TRIM66: variants seen among roughly 807,000 people sequenced by gnomAD.
TRIM66 encodes tripartite motif containing 66, also known as tripartite motif-containing protein 66.
A neutral mutation model predicts 148.2 loss-of-function variants in TRIM66; 99 were observed. That is an observed-to-expected ratio of 0.67 (90% CI 0.57 to 0.79). The LOEUF (loss-of-function observed/expected upper bound fraction) is 0.79, where lower values mean the gene tolerates loss of function less well. Among genes scored for constraint, TRIM66 ranks in the 30% least tolerant of loss-of-function variants. The pLI, the probability that TRIM66 is intolerant of heterozygous loss-of-function variation, is 0.00. For synonymous variants in TRIM66, 616 were observed against 635.9 expected (o/e 0.97, Z 0.47); for missense variants, 1,666 against 1,697.9 (o/e 0.98, Z 0.33).
chr11:8,645,116 C>G (rs537534194), intron 12 of TRIM66, among the ~76,000 whole-genome samples: 13 of 152,290 alleles, frequency 8.5e-5, no homozygotes, highest in Non-Finnish European at 1.3e-4. Context: ...CAAGGTGATA[C>G]CACTGATTTC....
chr11:8,641,173 GT>G, intron 13 of TRIM66, 21 bp from the exon 14 acceptor site: 1 of 1,530,946 alleles, frequency 6.5e-7, no homozygotes, highest in Non-Finnish European at 8.8e-7. Flanking sequence ...AGAATAGAGA[GT>G]TTTTCAAAAG....
chr11:8,678,443 G>C (rs1378193102), intron 3 of TRIM66, among the ~76,000 whole-genome samples: 1 of 152,186 alleles, frequency 6.6e-6, no homozygotes, highest in Non-Finnish European at 1.5e-5. Context: ...TTTGCAGACA[G>C]CTATGTCTCC....
Position 8,619,431 on chromosome 11 carries a change from C to A in TRIM66, c.3852G>T (p.Val1284=). The A allele has an allele frequency of 1.9e-6, 3 of 1,547,318 alleles. No homozygotes were observed. In the South Asian group the frequency reaches 3.6e-5, roughly 19 times the overall value. ...AGAACATGAGGCGCACATCTGATAC[C>A]ACCTCCTCTGGGGTGGTATAGTGAG... The part of the protein sequence containing the change: ...DPAHYTTPEE[V]VSDVRLMFWN... Residue 1284 remains valine, a synonymous_variant, in exon 23 of 25, where the codon GTG becomes GTT. Transcript: ENST00000646038.
chr11:8,619,159 G>T, intron 23 of TRIM66, 191 bp from the exon 24 acceptor site: 1 of 708,158 alleles, frequency 1.4e-6, no homozygotes, highest in South Asian at 1.9e-5. Context: ...ACCCCAACAG[G>T]TATCCACAGA....
At position 8,645,769 on chromosome 11, in the gene TRIM66, C is replaced by G; in HGVS notation, c.1076G>C (p.Ser359Thr). Residue 359 changes from serine (S) to threonine (T), a missense_variant, in exon 12 of 25, where the codon AGT (serine) becomes ACT (threonine). Transcript: ENST00000646038. Reference protein sequence around the residue: ...FINWAVCSKTSVPFLFSKELI... With the variant: ...FINWAVCSKTTVPFLFSKELI... ...CTCTTTGCTGAAAAGAAAAGGGACA[C>G]TGGTTTTGCTGCAGACAGCCCAGTT... is the stretch of plus-strand genomic sequence containing the variant. 11 of 1,551,754 alleles carry G rather than the reference C, an allele frequency of 7.1e-6. No homozygotes were observed. Among genetic ancestry groups the G allele is most frequent in the Non-Finnish European group, 9.6e-6 (11 of 1,146,976 alleles).
intron 4 of TRIM66, among the ~76,000 whole-genome samples, chr11:8,673,175 G>A (rs796500056): frequency 9.3e-5 from 14 of 151,312 alleles, no homozygotes; most frequent in African/African-American, 2.2e-4. Context: ...TGATCCACCC[G>A]CCTCGGCCTC....
chr11:8,678,871 T>A (rs2039299255), intron 3 of TRIM66, among the ~76,000 whole-genome samples: 1 of 152,134 alleles, frequency 6.6e-6, no homozygotes. Context: ...GATGATGTGT[T>A]CCCAAGGCCA....
At position 8,668,207 on chromosome 11, in the gene TRIM66, T is replaced by C. The variant is rs758170988; in HGVS notation, c.340+3579A>G. On this transcript the variant is annotated intron_variant, in intron 6 of 24. Transcript: ENST00000646038. ...ATTTTTTCTTGGGCTTATTGGTTAT[T>C]TGTACTTCATCTTTGGAGAAATGTA... Among the ~76,000 whole-genome samples the C allele has an allele frequency of 3.1e-4, 47 of 152,344 alleles. 1 individual carries two copies. Among genetic ancestry groups the C allele is most frequent in the East Asian group, 2.1e-3 (11 of 5,196 alleles).
intron 15 of TRIM66, among the ~76,000 whole-genome samples, chr11:8,627,949 C>T (rs2035011967): frequency 6.6e-6 from 1 of 152,214 alleles, no homozygotes; most frequent in African/African-American, 2.4e-5. Flanking sequence ...CCACCTCAGC[C>T]GCCAGAGTAG....
In TRIM66 at chr11:8,672,002, T is replaced by C. The variant is rs371217775; in HGVS notation, c.124A>G (p.Met42Val). 3 of 1,536,076 alleles carry C rather than the reference T, an allele frequency of 2.0e-6. No individual in the cohort carries two copies. Among genetic ancestry groups the C allele is most frequent in the South Asian group, 1.2e-5 (1 of 84,060 alleles). The change falls in exon 6 of 25, where the codon ATG (methionine) becomes GTG (valine). Residue 42 changes from methionine to valine, a missense_variant. By Grantham distance (21) the Met-to-Val change is conservative. Transcript: ENST00000646038. ...LGTGMAVDMG[M>V]SFMGLPLAGQ... is the part of the protein sequence containing the mutation. ...GCTAGTGGCAGCCCCATAAAGCTCA[T>C]GCCCATGTCCACAGCCATGCCTGTG... is the stretch of plus-strand genomic sequence containing the variant.
chr11:8,639,588 T>G (rs1466262730), intron 14 of TRIM66, among the ~76,000 whole-genome samples: 5 of 152,238 alleles, frequency 3.3e-5, no homozygotes, highest in Non-Finnish European at 7.4e-5. Flanking sequence ...CTCTCAATGT[T>G]GTATGATATG....
intron 6 of TRIM66, chr11:8,658,683 A>G (rs747598362): frequency 1.3e-6 from 1 of 794,358 alleles, no homozygotes; most frequent in Non-Finnish European, 1.5e-6. Context: ...AAGTTGACAC[A>G]CTCTGTCAGC....
Position 8,618,662 on chromosome 11 carries a change from C to CA in TRIM66, c.4119+87_4119+88insT. ...GTCACCACCATCTTTTTGCACCACC[C>CA]GAACAGCTTCACCTTAGGTTCTGCT... On this transcript the variant is annotated intron_variant, in intron 24 of 24. Transcript: ENST00000646038. 3 of 1,270,778 alleles carry CA rather than the reference C, an allele frequency of 2.4e-6. No individual in the cohort carries two copies. The South Asian group carries it at 4.3e-5, about 18-fold the overall frequency. The allele number at this position is 1,270,778 out of a possible 1,614,324, so 78.7% of individuals were successfully genotyped here.
At chr11:8,670,136 C>G (rs1356836200) in intron 6 of TRIM66, among the ~76,000 whole-genome samples, 1 of 151,978 alleles carries the variant, frequency 6.6e-6, no homozygotes, top group African/African-American at 2.4e-5. Context: ...CCTCAGCCTC[C>G]CGAGTAGCTG....
At chr11:8,646,663 G>T (rs181422697) in intron 10 of TRIM66, 102 bp from the exon 11 acceptor site, 2 of 852,272 alleles carry the variant, frequency 2.3e-6, no homozygotes, top group East Asian at 2.7e-5. Flanking sequence ...TGCCTACTGA[G>T]ATCAGGGCCT....
At chr11:8,665,210 C>A (rs2133423594) in intron 6 of TRIM66, among the ~76,000 whole-genome samples, 1 of 152,172 alleles carries the variant, frequency 6.6e-6, no homozygotes, top group East Asian at 1.9e-4. Context: ...AAACTGACTG[C>A]ACTAAAAACT....
At chr11:8,652,091 G>C (rs1189112949) in intron 6 of TRIM66, among the ~76,000 whole-genome samples, 188 bp from the exon 7 acceptor site, 2 of 152,034 alleles carry the variant, frequency 1.3e-5, no homozygotes, top group South Asian at 2.1e-4. Flanking sequence ...ATCCCATTGG[G>C]GCCTTCCCTA....
chr11:8,617,319 C>G lies in TRIM66; in HGVS notation c.*625G>C, dbSNP rs186745011. The G allele has an allele frequency of 2.6e-5, 4 of 152,818 alleles. No individual in the cohort carries two copies. The highest frequency in any genetic ancestry group is 4.1e-4 in the South Asian group (2 of 4,826). 9.5% of individuals were successfully genotyped at this position (152,818 alleles called of 1,614,324 possible). A position where few individuals can be genotyped will look rare whatever the true frequency, so the allele number is the denominator to read the frequency against. On this transcript the variant is annotated 3_prime_UTR_variant, in exon 25 of 25. Transcript: ENST00000646038. ...TCACAGCAGCCACCTATGTCAACAT[C>G]AGGAAAGTGACTATGCAAAACAAAT...
intron 6 of TRIM66, chr11:8,658,734 C>T (rs2038045142): frequency 1.0e-6 from 1 of 983,224 alleles, no homozygotes; most frequent in African/African-American, 1.7e-5. Flanking sequence ...CACACACTCT[C>T]ACCGCATCAT....
Sources: allele counts gnomAD v4.1 joint callset (sites outside exome capture counted in the v4.1 genomes callset), GRCh38; gene constraint gnomAD v4.1.1; transcripts MANE v1.5; gene names NCBI Gene and HGNC (gene_info 2026-07-23, HGNC 2026-07-21).